CACNA1F: variants seen among roughly 807,000 people sequenced by gnomAD.
The protein encoded by CACNA1F is calcium voltage-gated channel subunit alpha1 F.
Under a neutral mutation model 143.8 loss-of-function variants are expected in CACNA1F, and 59 were observed. The observed-to-expected ratio is 0.41, with a 90% CI of 0.33 to 0.51. The LOEUF is 0.51. Ranked by LOEUF, CACNA1F falls within the 20% of genes least tolerant of loss-of-function variation. The probability of loss-of-function intolerance (pLI) is 0.22; values close to 1 mark genes in which losing one functional copy is unlikely to be tolerated. For missense variants in CACNA1F, 1,411 were observed against 1,647.5 expected (o/e 0.86, Z 2.48); for synonymous variants, 643 against 649.1 (o/e 0.99, Z 0.14).
At position 49,211,425 on chromosome X, in the gene CACNA1F, C is replaced by T. The variant is rs1240850206; in HGVS notation, c.4157G>A (p.Arg1386Gln). 1.7e-6 allele frequency: 2 copies of T among 1,208,423 alleles called. No homozygotes were observed. The highest frequency in any genetic ancestry group is 1.1e-6 in the Non-Finnish European group (1 of 893,949). ...EIMLASLPGNRCDPESDFGPG... is the reference protein window; with the variant it reads ...EIMLASLPGNQCDPESDFGPG... The stretch of plus-strand genomic sequence containing the variant: ...GCCGAAGTCAGACTCAGGATCACAC[C>T]GATTTCCGGGAAGGCTGGCAAGCAT... The change falls in exon 36 of 48, where the codon CGG becomes CAG. Residue 1386 changes from arginine (R) to glutamine (Q), a missense_variant. By Grantham distance (43) the Arg-to-Gln change is conservative. Around this residue, in one of 3 missense-constraint regions of CACNA1F, gnomAD observed 112 missense variants for 169.2 expected, o/e 0.66. Coordinates refer to ENST00000323022, the MANE Select transcript of CACNA1F (RefSeq NM_001256789.3).
chrX:49,206,690 G>T (rs782367589), intron 45 of CACNA1F, 38 bp downstream of exon 45: 1 of 1,203,928 alleles, frequency 8.3e-7, no homozygotes, highest in African/African-American at 1.7e-5. Flanking sequence ...CTGTCCTGCA[G>T]GCCCGTGGGG....
chrX:49,210,109 T>G, intron 39 of CACNA1F, 67 bp from the exon 40 acceptor site: 4 of 820,315 alleles, frequency 4.9e-6, no homozygotes, highest in Non-Finnish European at 7.4e-6. Flanking sequence ...CCCTCACTGT[T>G]GGGTGGGGGG....
intron 24 of CACNA1F, among the ~76,000 whole-genome samples, chrX:49,218,209 G>A (rs1235062506): frequency 8.0e-5 from 9 of 112,191 alleles, no homozygotes; most frequent in Admixed American, 5.6e-4. Context: ...AGTGTTTGCC[G>A]GGTGGGGATC....
At chrX:49,229,282 G>T (rs970957254) in intron 6 of CACNA1F, among the ~76,000 whole-genome samples, 4 of 110,363 alleles carry the variant, frequency 3.6e-5, no homozygotes, top group African/African-American at 1.3e-4. Context: ...GCAGCCTCCC[G>T]AGTAGCTGGG....
chrX:49,212,573 G>T, intron 33 of CACNA1F, 94 bp downstream of exon 33: 2 of 950,944 alleles, frequency 2.1e-6, no homozygotes, highest in Non-Finnish European at 3.0e-6. Context: ...GGTATGGCAT[G>T]TTGGGAGATG....
rs782564418 is a variant in CACNA1F at position 49,215,328 on chromosome X, G to T, written c.3438+14C>A. 2 of 1,207,823 alleles carry T rather than the reference G, an allele frequency of 1.7e-6. No homozygotes were observed. Among genetic ancestry groups the T allele is most frequent in the Admixed American group, 4.4e-5 (2 of 45,918 alleles). ...TTGGTGACCATCCATAGGGGGTCAG[G>T]GGTCAGAGGTCACCTGGTTCTTGTC... On this transcript the variant is annotated intron_variant, in intron 28 of 47. Coordinates refer to ENST00000323022, the MANE Select transcript of CACNA1F (RefSeq NM_001256789.3).
intron 30 of CACNA1F, 90 bp from the exon 31 acceptor site, chrX:49,213,992 G>A (rs1435156042): frequency 4.4e-6 from 3 of 679,795 alleles, no homozygotes; most frequent in African/African-American, 4.3e-5. Context: ...CCGGAGGGGG[G>A]CAGGGCTTCG....
At chrX:49,224,181 A>G (rs998670365) in intron 14 of CACNA1F, among the ~76,000 whole-genome samples, 9 of 109,755 alleles carry the variant, frequency 8.2e-5, no homozygotes, top group Non-Finnish European at 1.7e-4. Flanking sequence ...AGAGGAGGGG[A>G]TGGGATGAGA....
chrX:49,210,174 G>A, intron 39 of CACNA1F, 127 bp downstream of exon 39: 1 of 680,409 alleles, frequency 1.5e-6, no homozygotes, highest in Middle Eastern at 3.4e-4. Flanking sequence ...CGGGGTGGGG[G>A]GAAACAGGCC....
rs1226860073 is a variant in CACNA1F, at chrX:49,230,269, G to C, written c.768C>G (p.Leu256=). ...TGTGCATTCGTCCAAGGAACAGCTCGAGCCCAATGATGGCATAAATGATGA... is the reference window on the plus strand; with the variant it reads ...TGTGCATTCGTCCAAGGAACAGCTCCAGCCCAATGATGGCATAAATGATGA... ...FVIIIYAIIG[L]ELFLGRMHKT... The change falls in exon 6 of 48, where the codon CTC becomes CTG. Residue 256 remains leucine, a synonymous_variant. Coordinates refer to ENST00000323022, the MANE Select transcript of CACNA1F (RefSeq NM_001256789.3). The C allele has an allele frequency of 8.3e-7, 1 of 1,205,179 alleles. No homozygotes were observed. The highest frequency in any genetic ancestry group is 1.8e-5 in the African/African-American group (1 of 57,075).
intron 26 of CACNA1F, among the ~76,000 whole-genome samples, chrX:49,216,877 C>A (rs782611447): frequency 8.9e-6 from 1 of 111,835 alleles, no homozygotes; most frequent in Non-Finnish European, 1.9e-5. Context: ...AAAAGTAAAA[C>A]GAATAATAGC....
chrX:49,210,683 GC>G lies in CACNA1F; in HGVS notation c.4391del (p.Gly1464AlafsTer12). On this transcript the variant is annotated frameshift_variant and splice_region_variant, in exon 38 of 48. Coordinates refer to ENST00000323022, the MANE Select transcript of CACNA1F (RefSeq NM_001256789.3). LOFTEE classifies it high-confidence loss of function. ...IWSEYDPGAK[G>X]RIKHLDVVAL... Reference sequence around the variant, plus strand: ...CAACCACATCCAAGTGTTTGATGCGGCCCCTGGAGGAGTTGGGGAGGTACCA... The same window carrying G: ...CAACCACATCCAAGTGTTTGATGCGGCCCTGGAGGAGTTGGGGAGGTACCA... 1.7e-6 allele frequency: 2 copies of G among 1,203,552 alleles called. No homozygotes were observed. The highest frequency in any genetic ancestry group is 1.1e-6 in the Non-Finnish European group (1 of 889,502).
In CACNA1F at chrX:49,231,773, C is replaced by T. The variant is rs782458190; in HGVS notation, c.180G>A (p.Val60=). ...RRNQHSKHKT[V]AVASAQRSPR... Reference sequence around the variant, plus strand: ...GTGACCGCTGGGCACTGGCCACTGCCACTGTCTTGTGCTTGCTGTGCTGGT... The same window carrying T: ...GTGACCGCTGGGCACTGGCCACTGCTACTGTCTTGTGCTTGCTGTGCTGGT... The change falls in exon 2 of 48, where the codon GTG becomes GTA. Residue 60 remains valine (V), a synonymous_variant. Transcript: ENST00000323022. 2.5e-6 allele frequency: 3 copies of T among 1,210,368 alleles called. No homozygotes were observed. Among genetic ancestry groups the T allele is most frequent in the Non-Finnish European group, 2.2e-6 (2 of 895,189 alleles).
chrX:49,225,471 C>T (rs191175703), intron 13 of CACNA1F, among the ~76,000 whole-genome samples: 27 of 111,301 alleles, frequency 2.4e-4, no homozygotes, highest in African/African-American at 7.5e-4. Flanking sequence ...ATACTACTAT[C>T]TATCATCTCC....
Position 49,219,306 on chromosome X carries a change from C to T in CACNA1F, c.2673+15G>A. 8.3e-7 allele frequency: 1 copy of T among 1,206,370 alleles called. No individual in the cohort carries two copies. The highest frequency in any genetic ancestry group is 1.8e-5 in the South Asian group (1 of 56,046). ...GAGTGTCCCCTCAGCTCCTAGCTCC[C>T]AGCCAAAGGCTCACATGGTTGCGGA... On this transcript the variant is annotated intron_variant, in intron 21 of 47. Coordinates refer to ENST00000323022, the MANE Select transcript of CACNA1F (RefSeq NM_001256789.3).
intron 6 of CACNA1F, among the ~76,000 whole-genome samples, chrX:49,228,759 G>A (rs2065850182): frequency 8.9e-6 from 1 of 112,031 alleles, no homozygotes; most frequent in African/African-American, 3.2e-5. Context: ...GTAGAGACGG[G>A]GGTTTCACCA....
intron 29 of CACNA1F, among the ~76,000 whole-genome samples, chrX:49,214,729 C>CAATACA (rs1185493960): frequency 8.9e-6 from 1 of 111,830 alleles, no homozygotes; most frequent in East Asian, 2.8e-4. Flanking sequence ...CAGCCTACCT[C>CAATACA]TGCACTTCTC....
At chrX:49,226,816 C>T in intron 9 of CACNA1F, 114 bp from the exon 10 acceptor site, 1 of 994,557 alleles carries the variant, frequency 1.0e-6, no homozygotes, top group South Asian at 2.0e-5. Flanking sequence ...CTTGATTCTG[C>T]ATTTTGAGCC....
intron 6 of CACNA1F, 91 bp from the exon 7 acceptor site, chrX:49,228,538 G>A: frequency 1.5e-6 from 1 of 688,911 alleles, no homozygotes. Context: ...AGCTCGACTT[G>A]GGTCCTAGAT....
Sources: gnomAD v4.1 joint callset for allele counts (sites outside exome capture counted in the v4.1 genomes callset) on GRCh38, gnomAD v4.1.1 for gene constraint, gnomAD v4.1.1 regional missense constraint, MANE v1.5 for transcripts, NCBI Gene and HGNC (gene_info 2026-07-23, HGNC 2026-07-21) for gene names.